Variants in PIBF1 observed in about 807,000 individuals in gnomAD.
PIBF1 encodes progesterone immunomodulatory binding factor 1.
PIBF1 carries 90 observed loss-of-function variants against 112.5 expected under a neutral mutation model. That is an observed-to-expected ratio of 0.80 (90% CI 0.67 to 0.95). The LOEUF (loss-of-function observed/expected upper bound fraction) is 0.95, where lower values mean the gene tolerates loss of function less well. PIBF1 is among the 40% of genes least tolerant of loss of function. The pLI is 0.00. For missense variants in PIBF1, 915 were observed against 852.3 expected, an observed-to-expected ratio of 1.07 and a Z score of -0.92; for synonymous variants, 301 against 288.6, an observed-to-expected ratio of 1.04 and a Z score of -0.44.
At chr13:72,839,512 G>A (rs749186159) in intron 9 of PIBF1, among the ~76,000 whole-genome samples, 1 of 152,160 alleles carries the variant, frequency 6.6e-6, no homozygotes, top group Non-Finnish European at 1.5e-5. Context: ...AATTAGAGAG[G>A]CCTGTGGTAT....
intron 17 of PIBF1, among the ~76,000 whole-genome samples, chr13:73,013,714 A>G (rs2044289567): frequency 6.8e-6 from 1 of 148,112 alleles, no homozygotes; most frequent in African/African-American, 2.5e-5. Flanking sequence ...CCTGGGTAAC[A>G]GAGCAAGAGC....
At chr13:72,925,952 A>AT (rs561457537) in intron 13 of PIBF1, among the ~76,000 whole-genome samples, 25 of 151,924 alleles carry the variant, frequency 1.6e-4, no homozygotes, top group African/African-American at 2.9e-4. Flanking sequence ...AGTTTATCCA[A>AT]TTTTTTTTGT....
intron 6 of PIBF1, among the ~76,000 whole-genome samples, chr13:72,826,776 G>T (rs1297428494): frequency 6.6e-6 from 1 of 152,128 alleles, no homozygotes; most frequent in East Asian, 1.9e-4. Context: ...ACTGGCTTAT[G>T]TAGTTTGTAT....
intron 16 of PIBF1, among the ~76,000 whole-genome samples, chr13:72,996,752 G>A (rs1202770976): frequency 1.3e-5 from 2 of 151,808 alleles, no homozygotes; most frequent in East Asian, 1.9e-4. Context: ...GGACAACAGA[G>A]CAAGACCCTG....
At chr13:72,957,590 G>A (rs538106703) in intron 14 of PIBF1, among the ~76,000 whole-genome samples, 4 of 152,092 alleles carry the variant, frequency 2.6e-5, no homozygotes, top group East Asian at 3.9e-4. Flanking sequence ...TGGGTGCACC[G>A]AAATCTCAGA....
At chr13:72,822,082 C>A in intron 6 of PIBF1, 100 bp downstream of exon 6, 1 of 1,056,636 alleles carries the variant, frequency 9.5e-7, no homozygotes, top group Non-Finnish European at 1.3e-6. Flanking sequence ...TTTACTTTTA[C>A]CTTATTCTTC....
chr13:72,880,882 C>A (rs2138494323), intron 10 of PIBF1, among the ~76,000 whole-genome samples: 1 of 152,252 alleles, frequency 6.6e-6, no homozygotes, highest in South Asian at 2.1e-4. Context: ...ATGCAGATTT[C>A]AGCTTTGCTA....
At chr13:72,969,959 A>G (rs2042846611) in intron 15 of PIBF1, among the ~76,000 whole-genome samples, 1 of 152,204 alleles carries the variant, frequency 6.6e-6, no homozygotes, top group South Asian at 2.1e-4. Context: ...TAGAAAACAT[A>G]AACAGGAAAA....
intron 5 of PIBF1, among the ~76,000 whole-genome samples, chr13:72,816,745 T>C (rs2036293069): frequency 6.6e-6 from 1 of 151,628 alleles, no homozygotes; most frequent in African/African-American, 2.4e-5. Flanking sequence ...TGTATTCAAA[T>C]AGATATAATT....
intron 11 of PIBF1, among the ~76,000 whole-genome samples, chr13:72,900,150 A>G (rs2040429381): frequency 6.6e-6 from 1 of 152,212 alleles, no homozygotes; most frequent in Admixed American, 6.5e-5. Context: ...GATGTGTAGA[A>G]TCAATATTAT....
intron 16 of PIBF1, among the ~76,000 whole-genome samples, chr13:72,988,592 T>G (rs563957797): frequency 1.3e-5 from 2 of 152,366 alleles, no homozygotes; most frequent in Non-Finnish European, 2.9e-5. Flanking sequence ...TTAAAATTCT[T>G]GTTGAGCATT....
intron 11 of PIBF1, among the ~76,000 whole-genome samples, chr13:72,896,681 C>G (rs912818282): frequency 1.3e-5 from 2 of 151,972 alleles, no homozygotes; most frequent in Non-Finnish European, 2.9e-5. Context: ...TAGAATTGAA[C>G]AAGTAGAAGA....
At chr13:72,814,211 G>T (rs1037095342) in intron 5 of PIBF1, among the ~76,000 whole-genome samples, 1 of 152,196 alleles carries the variant, frequency 6.6e-6, no homozygotes, top group Middle Eastern at 3.4e-3. Context: ...GCTGAGGCGG[G>T]TGGATCACCT....
At chr13:72,876,807 T>G (rs2039429057) in intron 10 of PIBF1, among the ~76,000 whole-genome samples, 1 of 152,204 alleles carries the variant, frequency 6.6e-6, no homozygotes, top group Non-Finnish European at 1.5e-5. Context: ...ACTTACTAGT[T>G]CCAGTAGTTT....
intron 11 of PIBF1, among the ~76,000 whole-genome samples, chr13:72,902,112 A>G (rs1437820656): frequency 2.0e-5 from 3 of 151,590 alleles, no homozygotes; most frequent in African/African-American, 7.3e-5. Context: ...GGAGACTATT[A>G]TTCTAAGGGA....
chr13:72,967,307 G>A (rs1169228319), intron 15 of PIBF1, among the ~76,000 whole-genome samples: 1 of 151,632 alleles, frequency 6.6e-6, no homozygotes, highest in Non-Finnish European at 1.5e-5. Context: ...AAAATCCTGA[G>A]GAAAAAAATT....
At chr13:72,860,569 G>A (rs540396680) in intron 10 of PIBF1, among the ~76,000 whole-genome samples, 11 of 152,034 alleles carry the variant, frequency 7.2e-5, no homozygotes, top group African/African-American at 1.2e-4. Flanking sequence ...ATCTTTATGC[G>A]GAATGTGATT....
At chr13:72,903,499 C>G (rs919805502) in intron 11 of PIBF1, among the ~76,000 whole-genome samples, 1 of 152,170 alleles carries the variant, frequency 6.6e-6, no homozygotes, top group African/African-American at 2.4e-5. Context: ...TGCAAATATT[C>G]TATATCTGCA....
chr13:72,875,473 G>T (rs2039356281), intron 10 of PIBF1, among the ~76,000 whole-genome samples: 1 of 151,420 alleles, frequency 6.6e-6, no homozygotes, highest in Admixed American at 6.6e-5. Flanking sequence ...CACGAAATGT[G>T]TCAGTGTAGT....
Sources: allele counts gnomAD v4.1 joint callset (sites outside exome capture counted in the v4.1 genomes callset), GRCh38; gene constraint gnomAD v4.1.1; transcripts MANE v1.5; gene names NCBI Gene and HGNC (gene_info 2026-07-23, HGNC 2026-07-21).